The following RPS6KA5 variants were observed in gnomAD, a reference collection of about 807,000 sequenced individuals.
RPS6KA5 encodes the protein ribosomal protein S6 kinase A5.
Under a neutral mutation model 85.5 loss-of-function variants are expected in RPS6KA5, and 27 were observed. The ratio of observed to expected loss-of-function variants is 0.32; its 90% CI spans 0.23 to 0.44. The LOEUF (loss-of-function observed/expected upper bound fraction) is 0.44, where lower values mean the gene tolerates loss of function less well. Among genes scored for constraint, RPS6KA5 ranks in the 20% least tolerant of loss-of-function variants. RPS6KA5 has a pLI of 1.00. For missense variants in RPS6KA5, 811 were observed against 980.9 expected (o/e 0.83, Z 2.31); for synonymous variants, 334 against 348.2 (o/e 0.96, Z 0.46).
chr14:90,933,788 C>T (rs916281023), intron 5 of RPS6KA5, among the ~76,000 whole-genome samples: 8 of 152,198 alleles, frequency 5.3e-5, no homozygotes, highest in African/African-American at 1.9e-4. Flanking sequence ...TGATCACCTC[C>T]ATGTCCTTCT....
rs1041045656 is a variant in RPS6KA5 at position 90,859,297 on chromosome 14, A to G, written c.*12777T>C. On this transcript the variant is annotated 3_prime_UTR_variant, in exon 17 of 17. Coordinates refer to ENST00000614987, the MANE Select transcript of RPS6KA5 (RefSeq NM_004755.4). ...AGATAACATCGTTCAAAGCCCCTAC[A>G]GTATTTAACACACAATGTATGACAT... 6.6e-6 allele frequency: 1 copy of G among 152,240 alleles called. No homozygotes were observed. Among genetic ancestry groups the G allele is most frequent in the African/African-American group, 2.4e-5 (1 of 41,466 alleles). The allele number at this position is 152,240 out of a possible 1,614,324, so 9.4% of individuals were successfully genotyped here.
Position 90,871,987 on chromosome 14 carries a change from A to C in RPS6KA5, c.*87T>G. 6.7e-7 allele frequency: 1 copy of C among 1,496,758 alleles called. No homozygotes were observed. Among genetic ancestry groups the C allele is most frequent in the Admixed American group, 2.3e-5 (1 of 44,208 alleles). 92.7% of individuals were successfully genotyped at this position (1,496,758 alleles called of 1,614,324 possible). ...GGCAGATTCCAATGAGACCAACGGG[A>C]AACATTTTTAAAAGCATAAAAGATC... On this transcript the variant is annotated 3_prime_UTR_variant, in exon 17 of 17. Transcript: ENST00000614987.
chr14:91,048,767 T>C (rs150604212), intron 1 of RPS6KA5, among the ~76,000 whole-genome samples: 76 of 152,346 alleles, frequency 5.0e-4, no homozygotes, highest in African/African-American at 1.6e-3. Flanking sequence ...AGGAGATAAC[T>C]GTGACAACCC....
Position 90,894,455 on chromosome 14 carries a change from G to A in RPS6KA5, c.1602C>T (p.His534=). The change falls in exon 13 of 17, where the codon CAC becomes CAT. Residue 534 remains histidine, a synonymous_variant. Coordinates refer to ENST00000614987, the MANE Select transcript of RPS6KA5 (RefSeq NM_004755.4). ...TGTGCACCACTCCAACATCATGCAT[G>A]TGGCTTACAGCTGAAACAAGCTTCC... ...IMRKLVSAVS[H]MHDVGVVHRD... is the part of the protein sequence containing the mutation. 6.2e-7 allele frequency: 1 copy of A among 1,614,100 alleles called. No homozygotes were observed.
chr14:90,900,999 A>T (rs192596079), intron 9 of RPS6KA5, among the ~76,000 whole-genome samples: 18 of 152,224 alleles, frequency 1.2e-4, no homozygotes, highest in African/African-American at 3.9e-4. Context: ...TCCCTATTCC[A>T]CCCCCAAAAT....
rs756400550 is a variant in RPS6KA5, at chr14:90,856,360, ATT to A, written c.*15712_*15713del. 4.0e-4 allele frequency: 51 copies of A among 126,582 alleles called. No homozygotes were observed. The highest frequency in any genetic ancestry group is 5.1e-4 in the Non-Finnish European group (32 of 63,044). The allele number at this position is 126,582 out of a possible 1,614,324, so 7.8% of individuals were successfully genotyped here. On this transcript the variant is annotated 3_prime_UTR_variant, in exon 17 of 17. Transcript: ENST00000614987. ...GCTACAGCCTTTCTAGCTATGCGTG[ATT>A]TTTTTTTTTTTTTTTTTTGAGACGG...
chr14:91,040,718 C>T (rs1183293342), intron 1 of RPS6KA5, among the ~76,000 whole-genome samples: 1 of 152,048 alleles, frequency 6.6e-6, no homozygotes. Flanking sequence ...GAGATAGCAG[C>T]TAATGTAAGG....
intron 2 of RPS6KA5, among the ~76,000 whole-genome samples, chr14:90,983,787 TTCTC>T (rs770148887): frequency 0.042 from 5,481 of 129,170 alleles, 150 homozygotes; most frequent in Middle Eastern, 0.11. Flanking sequence ...CTTTCTTTCT[TTCTC>T]TCTCTCTCTC....
intron 7 of RPS6KA5, among the ~76,000 whole-genome samples, chr14:90,907,024 G>A (rs2035542658): frequency 6.6e-6 from 1 of 152,146 alleles, no homozygotes; most frequent in Non-Finnish European, 1.5e-5. Context: ...GTTTCTTGAT[G>A]AGAAATTTAT....
Position 90,902,845 on chromosome 14 carries a change from G to C in RPS6KA5, c.1082C>G (p.Pro361Arg). ...CTCAGAACTCTGGGGCAGGGCTGCG[G>C]GAGAATAAGTGGGATCCATTTCTGT... ...EFTEMDPTYS[P>R]AALPQSSEKL... The change falls in exon 9 of 17, where the codon CCC becomes CGC. Residue 361 changes from proline (P) to arginine (R), a missense_variant. Coordinates refer to ENST00000614987, the MANE Select transcript of RPS6KA5 (RefSeq NM_004755.4). The C allele has an allele frequency of 6.2e-7, 1 of 1,613,856 alleles. No individual in the cohort carries two copies. The highest frequency in any genetic ancestry group is 8.5e-7 in the Non-Finnish European group (1 of 1,179,868).
At chr14:90,939,286 T>C (rs1464421610) in intron 5 of RPS6KA5, among the ~76,000 whole-genome samples, 1 of 152,226 alleles carries the variant, frequency 6.6e-6, no homozygotes, top group Non-Finnish European at 1.5e-5. Flanking sequence ...CATATCATTA[T>C]CAGCATTTTA....
intron 1 of RPS6KA5, among the ~76,000 whole-genome samples, chr14:91,049,436 A>G (rs2139935796): frequency 6.6e-6 from 1 of 152,254 alleles, no homozygotes; most frequent in East Asian, 1.9e-4. Flanking sequence ...AACACGGTGA[A>G]ACCCCATCTC....
chr14:91,035,847 C>CAAAAAAAAAAAAAAAAA (rs199625173), intron 1 of RPS6KA5, among the ~76,000 whole-genome samples: 10 of 69,896 alleles, frequency 1.4e-4, no homozygotes, highest in Admixed American at 3.6e-4. Flanking sequence ...CCCTCACCTT[C>CAAAAAAAAAAAAAAAAA]AAAAAAAAAA....
chr14:90,913,414 T>C (rs368807313), intron 7 of RPS6KA5, among the ~76,000 whole-genome samples: 1 of 152,222 alleles, frequency 6.6e-6, no homozygotes, highest in Non-Finnish European at 1.5e-5. Flanking sequence ...GCTTTCTTTT[T>C]AATTTATAGC....
intron 7 of RPS6KA5, among the ~76,000 whole-genome samples, chr14:90,912,901 C>A (rs2035903306): frequency 8.0e-6 from 1 of 125,514 alleles, no homozygotes; most frequent in South Asian, 2.7e-4. Flanking sequence ...TCACATAAAG[C>A]ATCTTTTTTT....
rs1276021626 is a variant in RPS6KA5 at position 90,865,330 on chromosome 14, GAACA to G, written c.*6740_*6743del. On this transcript the variant is annotated 3_prime_UTR_variant, in exon 17 of 17. Coordinates refer to ENST00000614987, the MANE Select transcript of RPS6KA5 (RefSeq NM_004755.4). ...TGGAATACTACAGAGCAACGAAAAA[GAACA>G]AACTACTGTTATTGCTACATGCAAC... 2 of 152,188 alleles carry G rather than the reference GAACA, an allele frequency of 1.3e-5. No individual in the cohort carries two copies. Among genetic ancestry groups the G allele is most frequent in the East Asian group, 3.8e-4 (2 of 5,200 alleles). 9.4% of individuals were successfully genotyped at this position (152,188 alleles called of 1,614,324 possible). A position where few individuals can be genotyped will look rare whatever the true frequency, so the allele number is the denominator to read the frequency against.
At chr14:90,913,705 C>A (rs2140270763) in intron 7 of RPS6KA5, among the ~76,000 whole-genome samples, 1 of 152,326 alleles carries the variant, frequency 6.6e-6, no homozygotes, top group East Asian at 1.9e-4. Flanking sequence ...TAAACCTTTA[C>A]TTCTCCAATC....
intron 13 of RPS6KA5, among the ~76,000 whole-genome samples, chr14:90,891,979 G>A (rs1463198462): frequency 1.3e-5 from 2 of 148,276 alleles, no homozygotes; most frequent in African/African-American, 2.5e-5. Flanking sequence ...ATTGGAAAAG[G>A]GCTTCCTTGA....
At chr14:91,012,017 G>C (rs2041278639) in intron 1 of RPS6KA5, among the ~76,000 whole-genome samples, 1 of 152,134 alleles carries the variant, frequency 6.6e-6, no homozygotes. Context: ...TATTATAAAT[G>C]ATCTACAGAA....
Sources: allele counts gnomAD v4.1 joint callset (sites outside exome capture counted in the v4.1 genomes callset), GRCh38; gene constraint gnomAD v4.1.1; transcripts MANE v1.5; gene names NCBI Gene and HGNC (gene_info 2026-07-23, HGNC 2026-07-21).